Variants in SLX4IP observed in about 807,000 individuals in gnomAD.
SLX4IP encodes the protein SLX4 interacting protein, also known as protein SLX4IP.
Under a neutral mutation model 32.9 loss-of-function variants are expected in SLX4IP, and 34 were observed. That is an observed-to-expected ratio of 1.03 (90% CI 0.79 to 1.38). SLX4IP has a LOEUF of 1.38. Ranked by LOEUF, SLX4IP falls within the 40% of genes most tolerant of loss-of-function variation. SLX4IP has a pLI of 0.00. For synonymous variants in SLX4IP, 172 were observed against 171.7 expected, an observed-to-expected ratio of 1.00 and a Z score of -0.01; for missense variants, 444 against 479.0, an observed-to-expected ratio of 0.93 and a Z score of 0.68.
At chr20:10,557,199 AAAAAC>A in intron 3 of SLX4IP, among the ~76,000 whole-genome samples, 1 of 152,352 alleles carries the variant, frequency 6.6e-6, no homozygotes, top group Non-Finnish European at 1.5e-5. Flanking sequence ...ACAGTGGTGA[AAAAAC>A]AAAAAGCCAC....
At chr20:10,517,850 C>T (rs1214679014) in intron 2 of SLX4IP, among the ~76,000 whole-genome samples, 1 of 152,072 alleles carries the variant, frequency 6.6e-6, no homozygotes. Context: ...TTAGTTTCAG[C>T]CTTTGTCAAA....
chr20:10,557,205 A>C (rs2066275994), intron 3 of SLX4IP, among the ~76,000 whole-genome samples: 1 of 152,236 alleles, frequency 6.6e-6, no homozygotes, highest in African/African-American at 2.4e-5. Flanking sequence ...GTGAAAAAAC[A>C]AAAAGCCACC....
At chr20:10,488,385 G>C (rs1459772781) in intron 2 of SLX4IP, among the ~76,000 whole-genome samples, 1 of 152,126 alleles carries the variant, frequency 6.6e-6, no homozygotes, top group African/African-American at 2.4e-5. Context: ...AGGAGAAGAG[G>C]CATGGAACAA....
At chr20:10,540,189 CTCTCTTTCTTTCTT>C (rs1253580566) in intron 2 of SLX4IP, among the ~76,000 whole-genome samples, 217 of 144,560 alleles carry the variant, frequency 1.5e-3, no homozygotes, top group African/African-American at 5.2e-3. Flanking sequence ...CCCTCCCTCC[CTCTCTTTCTTTCTT>C]TCTCTTTCTT....
chr20:10,572,815 C>T (rs552044186), intron 4 of SLX4IP, among the ~76,000 whole-genome samples: 1 of 152,224 alleles, frequency 6.6e-6, no homozygotes, highest in East Asian at 1.9e-4. Context: ...TCTGTGGCAT[C>T]CGAGGTATCT....
intron 2 of SLX4IP, among the ~76,000 whole-genome samples, chr20:10,539,907 C>G (rs2066084364): frequency 6.6e-6 from 1 of 152,168 alleles, no homozygotes. Context: ...GGGTTGCAAA[C>G]CACTCTTCTA....
At chr20:10,522,430 G>A (rs2065908030) in intron 2 of SLX4IP, among the ~76,000 whole-genome samples, 1 of 152,150 alleles carries the variant, frequency 6.6e-6, no homozygotes, top group South Asian at 2.1e-4. Flanking sequence ...CCCGTAGGGT[G>A]GAGGTGCTCT....
chr20:10,592,333 A>G (rs1438044757), intron 4 of SLX4IP, among the ~76,000 whole-genome samples: 1 of 121,420 alleles, frequency 8.2e-6, no homozygotes, highest in Non-Finnish European at 1.8e-5. Context: ...CCACAGAACA[A>G]CCCCTTTCTC....
chr20:10,502,390 G>A (rs1011887497), intron 2 of SLX4IP, among the ~76,000 whole-genome samples: 4 of 152,162 alleles, frequency 2.6e-5, no homozygotes, highest in African/African-American at 9.7e-5. Context: ...CAATGCTGGG[G>A]TATTGATCCA....
At position 10,459,232 on chromosome 20, in the gene SLX4IP, GT is replaced by G. The variant is rs563496536; in HGVS notation, c.27+1004del. Among the ~76,000 whole-genome samples the G allele has an allele frequency of 8.4e-3, 1,269 of 150,610 alleles. 17 individuals carry two copies. Among genetic ancestry groups the G allele is most frequent in the African/African-American group, 0.03 (1,212 of 40,182 alleles). ...CATTTGTTTTTTTTCTTGTAAGTTTGTTTAAGTTCCTTGTAGACTCTGGATA... is the reference window on the plus strand; with the variant it reads ...CATTTGTTTTTTTTCTTGTAAGTTTGTTAAGTTCCTTGTAGACTCTGGATA... On this transcript the variant is annotated intron_variant, in intron 2 of 7. Transcript: ENST00000334534.
chr20:10,552,551 C>G (rs1185025771), intron 2 of SLX4IP, among the ~76,000 whole-genome samples: 1 of 151,976 alleles, frequency 6.6e-6, no homozygotes, highest in Non-Finnish European at 1.5e-5. Context: ...AGGGAGAGCC[C>G]CCTGCGGGGG....
intron 4 of SLX4IP, among the ~76,000 whole-genome samples, chr20:10,582,383 T>C (rs1451258051): frequency 6.6e-6 from 1 of 152,240 alleles, no homozygotes. Context: ...AAACTGTTTT[T>C]TTAAAACCTG....
chr20:10,585,744 C>T (rs1353793354), intron 4 of SLX4IP, among the ~76,000 whole-genome samples: 2 of 152,030 alleles, frequency 1.3e-5, no homozygotes, highest in Admixed American at 1.3e-4. Flanking sequence ...TTGCACACCA[C>T]CACACCCAGC....
intron 6 of SLX4IP, among the ~76,000 whole-genome samples, chr20:10,609,320 A>G (rs1204731289): frequency 6.6e-6 from 1 of 152,238 alleles, no homozygotes; most frequent in East Asian, 1.9e-4. Context: ...TTAGAATTCA[A>G]TACTCATTTT....
intron 2 of SLX4IP, among the ~76,000 whole-genome samples, chr20:10,550,600 C>T (rs924313450): frequency 6.6e-6 from 1 of 152,154 alleles, no homozygotes; most frequent in Non-Finnish European, 1.5e-5. Flanking sequence ...CCATGCTCCA[C>T]ACTCCTACCC....
In SLX4IP at chr20:10,449,546, G is replaced by A. The variant is rs963501949; in HGVS notation, c.-29-8630G>A. Among the ~76,000 whole-genome samples, 9 of 152,144 alleles carry A rather than the reference G, an allele frequency of 5.9e-5. No individual in the cohort carries two copies. In the South Asian group the frequency reaches 1.7e-3, roughly 28 times the overall value. Reference sequence around the variant, plus strand: ...TGGACCTGACAAGACTCTATCTAGCGCTTGGTTAGGCCATCAGCTGTGAGA... The same window carrying A: ...TGGACCTGACAAGACTCTATCTAGCACTTGGTTAGGCCATCAGCTGTGAGA... On this transcript the variant is annotated intron_variant, in intron 1 of 7. Transcript: ENST00000334534.
chr20:10,540,096 T>C (rs145851949), intron 2 of SLX4IP, among the ~76,000 whole-genome samples: 32 of 111,816 alleles, frequency 2.9e-4, no homozygotes, highest in Admixed American at 1.0e-3. Flanking sequence ...CCTTCCTTCC[T>C]TTCCTTCCTT....
chr20:10,491,542 C>T (rs2065624067), intron 2 of SLX4IP, among the ~76,000 whole-genome samples: 1 of 152,198 alleles, frequency 6.6e-6, no homozygotes, highest in Non-Finnish European at 1.5e-5. Flanking sequence ...ACCTAACCAT[C>T]TTTTTAGCAA....
At chr20:10,514,504 TA>T (rs2065834344) in intron 2 of SLX4IP, among the ~76,000 whole-genome samples, 1 of 152,222 alleles carries the variant, frequency 6.6e-6, no homozygotes, top group African/African-American at 2.4e-5. Flanking sequence ...CTGGTCAGAT[TA>T]TGCTGAAGTT....
Sources: gnomAD v4.1 joint callset for allele counts (sites outside exome capture counted in the v4.1 genomes callset) on GRCh38, gnomAD v4.1.1 for gene constraint, MANE v1.5 for transcripts, NCBI Gene and HGNC (gene_info 2026-07-23, HGNC 2026-07-21) for gene names.